Variants in UBL3 observed in about 807,000 individuals in gnomAD.
UBL3 encodes the protein ubiquitin-like protein 3.
Under a neutral mutation model 18.4 loss-of-function variants are expected in UBL3, and 6 were observed. That is an observed-to-expected ratio of 0.33 (90% CI 0.18 to 0.64). UBL3 has a LOEUF of 0.64. Among genes scored for constraint, UBL3 ranks in the 30% least tolerant of loss-of-function variants. The probability of loss-of-function intolerance (pLI) is 0.76; values close to 1 mark genes in which losing one functional copy is unlikely to be tolerated. For missense variants in UBL3, 109 were observed against 142.9 expected, an observed-to-expected ratio of 0.76 and a Z score of 1.21; for synonymous variants, 49 against 46.6, an observed-to-expected ratio of 1.05 and a Z score of -0.21.
chr13:29,776,591 G>A (rs935138350), intron 2 of UBL3, among the ~76,000 whole-genome samples: 2 of 151,716 alleles, frequency 1.3e-5, no homozygotes, highest in Admixed American at 6.6e-5. Flanking sequence ...AATATTTTTT[G>A]GCTAGGCACG....
intron 1 of UBL3, among the ~76,000 whole-genome samples, chr13:29,783,872 C>T (rs1180848312): frequency 6.6e-6 from 1 of 152,074 alleles, no homozygotes; most frequent in East Asian, 1.9e-4. Context: ...GTGTACATAC[C>T]TGTCTAAAAG....
chr13:29,849,279 C>G (rs1391534884), intron 1 of UBL3, among the ~76,000 whole-genome samples: 1 of 152,134 alleles, frequency 6.6e-6, no homozygotes, highest in African/African-American at 2.4e-5. Flanking sequence ...ATACATTTCC[C>G]TACTTCTCCA....
chr13:29,808,184 AG>A (rs1877945292), intron 1 of UBL3, among the ~76,000 whole-genome samples: 1 of 152,146 alleles, frequency 6.6e-6, no homozygotes, highest in African/African-American at 2.4e-5. Flanking sequence ...CCAACTCTTA[AG>A]ATGGGAAAAA....
chr13:29,819,729 C>T (rs1878375906), intron 1 of UBL3, among the ~76,000 whole-genome samples: 1 of 151,950 alleles, frequency 6.6e-6, no homozygotes, highest in African/African-American at 2.4e-5. Flanking sequence ...AGAAGAGAAC[C>T]ATATTTCCAA....
At chr13:29,806,096 G>A (rs1269716137) in intron 1 of UBL3, among the ~76,000 whole-genome samples, 4 of 152,190 alleles carry the variant, frequency 2.6e-5, no homozygotes, top group Non-Finnish European at 5.9e-5. Flanking sequence ...AGAATAGCTT[G>A]AGCCCACGAG....
At chr13:29,781,766 T>C (rs947520803) in intron 1 of UBL3, among the ~76,000 whole-genome samples, 2 of 149,302 alleles carry the variant, frequency 1.3e-5, no homozygotes, top group African/African-American at 5.0e-5. Flanking sequence ...GGAGGACAGC[T>C]TGAGGCCAGG....
chr13:29,801,084 A>G (rs1877749793), intron 1 of UBL3, among the ~76,000 whole-genome samples: 1 of 152,186 alleles, frequency 6.6e-6, no homozygotes, highest in South Asian at 2.1e-4. Context: ...AATCCCAGAG[A>G]CAACCCACAG....
intron 1 of UBL3, among the ~76,000 whole-genome samples, chr13:29,832,333 C>CT (rs34577519): frequency 0.087 from 12,222 of 140,922 alleles, 555 homozygotes; most frequent in African/African-American, 0.12. Flanking sequence ...TACCTAATTT[C>CT]TTTTTTTTTT....
chr13:29,781,828 TAAA>T (rs11357100), intron 1 of UBL3, among the ~76,000 whole-genome samples: 37 of 82,720 alleles, frequency 4.5e-4, no homozygotes, highest in South Asian at 2.7e-3. Flanking sequence ...TACAAAAAAT[TAAA>T]AAAAAAAAAA....
intron 1 of UBL3, among the ~76,000 whole-genome samples, chr13:29,797,508 C>T (rs1360200289): frequency 6.6e-6 from 1 of 152,186 alleles, no homozygotes; most frequent in Non-Finnish European, 1.5e-5. Context: ...TCAAATTCTG[C>T]ACTGACATTC....
rs184048242 is a variant in UBL3, at chr13:29,832,573, C to T, written c.27+16939G>A. Among the ~76,000 whole-genome samples the T allele has an allele frequency of 2.6e-5, 4 of 152,294 alleles. No individual in the cohort carries two copies. The East Asian group carries it at 7.7e-4, about 29-fold the overall frequency. ...TCTCTGTAGACTTAGCCTTGTTCATCTAGCAGTAGACTGTATAACAAATAA... is the reference window on the plus strand; with the variant it reads ...TCTCTGTAGACTTAGCCTTGTTCATTTAGCAGTAGACTGTATAACAAATAA... On this transcript the variant is annotated intron_variant, in intron 1 of 4. Transcript: ENST00000380680.
intron 1 of UBL3, among the ~76,000 whole-genome samples, chr13:29,829,466 G>A (rs999811895): frequency 9.2e-5 from 14 of 151,862 alleles, no homozygotes; most frequent in African/African-American, 3.1e-4. Flanking sequence ...GCAAGGCTCC[G>A]TGGGCGTGGG....
At chr13:29,796,072 G>A (rs74379080) in intron 1 of UBL3, among the ~76,000 whole-genome samples, 13 of 151,854 alleles carry the variant, frequency 8.6e-5, no homozygotes, top group African/African-American at 2.2e-4. Context: ...AAGATCTACC[G>A]CAAAGGAAGA....
intron 1 of UBL3, among the ~76,000 whole-genome samples, chr13:29,836,766 A>C (rs1453495724): frequency 6.6e-6 from 1 of 152,188 alleles, no homozygotes; most frequent in Non-Finnish European, 1.5e-5. Flanking sequence ...AGGAACCTCA[A>C]AGAAAGGGGC....
Position 29,849,801 on chromosome 13 carries a change from G to A in UBL3, c.-263C>T, listed in dbSNP as rs769035750. 7.0e-6 allele frequency: 4 copies of A among 571,692 alleles called. No homozygotes were observed. The highest frequency in any genetic ancestry group is 2.0e-5 in the South Asian group (1 of 49,018). 35.4% of individuals were successfully genotyped at this position (571,692 alleles called of 1,614,324 possible). A position where few individuals can be genotyped will look rare whatever the true frequency, so the allele number is the denominator to read the frequency against. On this transcript the variant is annotated 5_prime_UTR_variant, in exon 1 of 5. It adds an upstream start codon to the 5' untranslated region. Coordinates refer to ENST00000380680, the MANE Select transcript of UBL3 (RefSeq NM_007106.4). Reference sequence around the variant, plus strand: ...GGCAGCCCCCGTCGTCGTCGTCGTCGTCAACAGCAGCAGCAGCCCCAGGAC... The same window carrying A: ...GGCAGCCCCCGTCGTCGTCGTCGTCATCAACAGCAGCAGCAGCCCCAGGAC...
intron 1 of UBL3, among the ~76,000 whole-genome samples, chr13:29,815,550 C>T (rs1236906757): frequency 6.6e-6 from 1 of 152,124 alleles, no homozygotes; most frequent in Non-Finnish European, 1.5e-5. Flanking sequence ...AAACAAAACC[C>T]CATTTTATTG....
At chr13:29,842,738 GT>G (rs1008757423) in intron 1 of UBL3, among the ~76,000 whole-genome samples, 2 of 148,488 alleles carry the variant, frequency 1.3e-5, no homozygotes, top group Non-Finnish European at 3.0e-5. Context: ...GTAAAGTTAT[GT>G]GTAATTTTTT....
rs187249411 is a variant in UBL3, at chr13:29,795,640, G to A, written c.28-18377C>T. On this transcript the variant is annotated intron_variant, in intron 1 of 4. Coordinates refer to ENST00000380680, the MANE Select transcript of UBL3 (RefSeq NM_007106.4). ...TATTTAATTCTCACTGCAACCCTAA[G>A]GAGAGGTGGCAGCTTGTGCCTGTAA... Among the ~76,000 whole-genome samples, 3 of 151,556 alleles carry A rather than the reference G, an allele frequency of 2.0e-5. No homozygotes were observed. The East Asian group carries it at 5.8e-4, about 29-fold the overall frequency.
intron 1 of UBL3, among the ~76,000 whole-genome samples, chr13:29,780,656 T>C (rs1010176041): frequency 3.3e-5 from 5 of 152,010 alleles, no homozygotes; most frequent in African/African-American, 1.2e-4. Flanking sequence ...GCTAAACAAG[T>C]AACCTGTTTA....
Sources: allele counts gnomAD v4.1 joint callset (sites outside exome capture counted in the v4.1 genomes callset), GRCh38; gene constraint gnomAD v4.1.1; transcripts MANE v1.5; gene names NCBI Gene and HGNC (gene_info 2026-07-23, HGNC 2026-07-21).